KCND3: variants seen among roughly 807,000 people sequenced by gnomAD.
KCND3 encodes potassium voltage-gated channel subfamily D member 3.
KCND3 carries 9 observed loss-of-function variants against 51.1 expected under a neutral mutation model. The ratio of observed to expected loss-of-function variants is 0.18; its 90% confidence interval spans 0.11 to 0.31. The LOEUF (loss-of-function observed/expected upper bound fraction) is 0.31. Among genes scored for constraint, KCND3 ranks in the 10% least tolerant of loss-of-function variants. The pLI, the probability that KCND3 is intolerant of heterozygous loss-of-function variation, is 1.00. For missense variants in KCND3, 526 were observed against 903.8 expected (o/e 0.58, Z 5.36); for synonymous variants, 349 against 368.0 (o/e 0.95, Z 0.59).
chr1:111,940,180 T>C (rs1672444686), intron 2 of KCND3, among the ~76,000 whole-genome samples: 1 of 150,058 alleles, frequency 6.7e-6, no homozygotes, highest in African/African-American at 2.4e-5. Flanking sequence ...AGGTTGCCTA[T>C]TCTTTCTGAT....
chr1:111,826,692 T>C (rs910056927), intron 2 of KCND3, among the ~76,000 whole-genome samples: 1 of 152,214 alleles, frequency 6.6e-6, no homozygotes, highest in Non-Finnish European at 1.5e-5. Flanking sequence ...CATTCAGGGT[T>C]TCAATAGGAC....
chr1:111,909,435 T>C (rs901428703), intron 2 of KCND3: 1 of 152,212 alleles, frequency 6.6e-6, no homozygotes, highest in African/African-American at 2.4e-5. Context: ...TTTGTCCATG[T>C]GAATGTCTCT....
intron 2 of KCND3, among the ~76,000 whole-genome samples, chr1:111,873,566 C>T (rs1011937589): frequency 6.6e-6 from 1 of 152,136 alleles, no homozygotes; most frequent in African/African-American, 2.4e-5. Flanking sequence ...AGAAATGCTG[C>T]TTGCTCCACC....
At chr1:111,826,762 T>C (rs1666594836) in intron 2 of KCND3, among the ~76,000 whole-genome samples, 1 of 152,190 alleles carries the variant, frequency 6.6e-6, no homozygotes, top group African/African-American at 2.4e-5. Flanking sequence ...ATTATAATAA[T>C]AATAATAGTC....
chr1:111,826,170 T>C (rs1666559321), intron 2 of KCND3, among the ~76,000 whole-genome samples: 1 of 152,212 alleles, frequency 6.6e-6, no homozygotes, highest in African/African-American at 2.4e-5. Context: ...GCCTTAGGGG[T>C]TTCATTACTG....
chr1:111,924,246 G>A (rs1671598834), intron 2 of KCND3, among the ~76,000 whole-genome samples: 1 of 152,330 alleles, frequency 6.6e-6, no homozygotes, highest in South Asian at 2.1e-4. Context: ...AGCCTGGAAG[G>A]GGAAATTATG....
chr1:111,957,683 G>T (rs1673407733), intron 2 of KCND3, among the ~76,000 whole-genome samples: 1 of 152,158 alleles, frequency 6.6e-6, no homozygotes. Flanking sequence ...GGCTGGACCT[G>T]GTGTCAGGCT....
intron 2 of KCND3, among the ~76,000 whole-genome samples, chr1:111,940,073 G>GTTTTTTTTTTGTTTT (rs1672427394): frequency 2.3e-5 from 2 of 85,472 alleles, no homozygotes; most frequent in Non-Finnish European, 4.2e-5. Flanking sequence ...CTTTTTGATG[G>GTTTTTTTTTTGTTTT]TTTTTTTTTT....
At chr1:111,848,102 T>C (rs1305573552) in intron 2 of KCND3, among the ~76,000 whole-genome samples, 1 of 152,222 alleles carries the variant, frequency 6.6e-6, no homozygotes, top group East Asian at 1.9e-4. Flanking sequence ...CTGAGGGAGC[T>C]GACAGACTGG....
Position 111,777,302 on chromosome 1 carries a change from G to A in KCND3, c.1519-29C>T, listed in dbSNP as rs1186449012. 4.3e-6 allele frequency: 7 copies of A among 1,612,836 alleles called. No homozygotes were observed. In the African/African-American group the frequency reaches 8.0e-5, roughly 18 times the overall value. ...CGGGAGGCAGAAGGAGAAGAAGTAG[G>A]AAAAGGAGGTAGGGAGGAGAGAGGT... is the stretch of plus-strand genomic sequence containing the variant. On this transcript the variant is annotated intron_variant, in intron 6 of 7. Coordinates refer to ENST00000302127, the MANE Select transcript of KCND3 (RefSeq NM_001378969.1).
rs372806938 is a variant in KCND3, at chr1:111,948,627, C to A, written c.1106+32994G>T. 1.1e-3 allele frequency among the ~76,000 whole-genome samples: 173 copies of A among 152,266 alleles called. 3 individuals are homozygous for A. In the South Asian group the frequency reaches 0.035, roughly 30 times the overall value. ...CAGAGAGGCTTAAAAACCCTCGGACCAATTAGCTGGAAGCCTGTGGCCAGG... is the reference window on the plus strand; with the variant it reads ...CAGAGAGGCTTAAAAACCCTCGGACAAATTAGCTGGAAGCCTGTGGCCAGG... On this transcript the variant is annotated intron_variant, in intron 2 of 7. Coordinates refer to ENST00000302127, the MANE Select transcript of KCND3 (RefSeq NM_001378969.1).
At chr1:111,889,585 A>T (rs1449124504) in intron 2 of KCND3, among the ~76,000 whole-genome samples, 1 of 152,026 alleles carries the variant, frequency 6.6e-6, no homozygotes, top group Non-Finnish European at 1.5e-5. Context: ...ATTTTTTGCC[A>T]AAGTTAAGGA....
At chr1:111,947,986 A>C (rs1221350061) in intron 2 of KCND3, among the ~76,000 whole-genome samples, 1 of 152,178 alleles carries the variant, frequency 6.6e-6, no homozygotes, top group East Asian at 1.9e-4. Context: ...GGAAGTGAGG[A>C]GGGACAGGTT....
At chr1:111,980,487 G>A (rs1674889587) in intron 2 of KCND3, among the ~76,000 whole-genome samples, 1 of 147,500 alleles carries the variant, frequency 6.8e-6, no homozygotes, top group South Asian at 2.1e-4. Flanking sequence ...TCTGGGTTTT[G>A]GCCAGGAAAA....
At chr1:111,787,192 T>C (rs1664640045) in intron 2 of KCND3, 86 bp from the exon 3 acceptor site, 1 of 1,353,516 alleles carries the variant, frequency 7.4e-7, no homozygotes, top group African/African-American at 1.4e-5. Context: ...TTCACCTGTT[T>C]ATTCATTCAT....
chr1:111,804,973 C>A (rs1021952901), intron 2 of KCND3, among the ~76,000 whole-genome samples: 3 of 152,166 alleles, frequency 2.0e-5, no homozygotes, highest in Non-Finnish European at 2.9e-5. Context: ...GTCCCATGCT[C>A]CCCTGAGGGC....
At chr1:111,880,236 A>T (rs1669241685) in intron 2 of KCND3, among the ~76,000 whole-genome samples, 1 of 152,172 alleles carries the variant, frequency 6.6e-6, no homozygotes, top group Admixed American at 6.5e-5. Context: ...TTCAGACCTG[A>T]CCCATTGCCA....
chr1:111,827,297 G>T (rs1049815528), intron 2 of KCND3, among the ~76,000 whole-genome samples: 5 of 152,256 alleles, frequency 3.3e-5, no homozygotes, highest in Admixed American at 1.3e-4. Flanking sequence ...CAAGTGCCAA[G>T]AGGAGAGGTA....
At chr1:111,860,681 G>A (rs1172598418) in intron 2 of KCND3, among the ~76,000 whole-genome samples, 2 of 152,188 alleles carry the variant, frequency 1.3e-5, no homozygotes, top group Non-Finnish European at 2.9e-5. Context: ...ATGAGCCTGC[G>A]ATTATGTCTG....
Sources: allele counts gnomAD v4.1 joint callset (sites outside exome capture counted in the v4.1 genomes callset), GRCh38; gene constraint gnomAD v4.1.1; transcripts MANE v1.5; gene names NCBI Gene and HGNC (gene_info 2026-07-23, HGNC 2026-07-21).